SPOCD1: variants seen among roughly 807,000 people sequenced by gnomAD.
SPOCD1 encodes the protein SPOC domain containing 1.
Under a neutral mutation model 92.2 loss-of-function variants are expected in SPOCD1, and 64 were observed. The observed-to-expected ratio is 0.69, with a 90% CI of 0.57 to 0.86. The LOEUF (loss-of-function observed/expected upper bound fraction) is 0.86. SPOCD1 is among the 40% of genes least tolerant of loss of function. The pLI is 0.00. For synonymous variants in SPOCD1, 578 were observed against 619.3 expected (o/e 0.93, Z 0.99); for missense variants, 1,360 against 1,543.1 (o/e 0.88, Z 1.99).
rs934141300 is a variant in SPOCD1, at chr1:31,799,402, G to A, written c.1867C>T (p.Arg623Cys). 7.5e-6 allele frequency: 12 copies of A among 1,607,726 alleles called. No homozygotes were observed. The highest frequency in any genetic ancestry group is 1.7e-5 in the Admixed American group (1 of 59,074). ...VRSMQEVLWT[R>C]LRELPDPVLS... Reference sequence around the variant, plus strand: ...GGGGAGTGGGGAGCAAGGCCTCACCGAGTCCATAGTACCTCCTGCATGGAA... The same window carrying A: ...GGGGAGTGGGGAGCAAGGCCTCACCAAGTCCATAGTACCTCCTGCATGGAA... Residue 623 changes from arginine to cysteine, a missense_variant and splice_region_variant, in exon 7 of 16, where the codon CGC becomes TGC. By Grantham distance (180) the Arg-to-Cys change is radical. Around this residue, in one of 3 missense-constraint regions of SPOCD1, gnomAD observed 606 missense variants for 601.5 expected, o/e 1.01. Transcript: ENST00000360482.
Position 31,792,574 on chromosome 1 carries a change from G to T in SPOCD1, c.2775+104C>A, listed in dbSNP as rs1647678510. 5 of 1,175,300 alleles carry T rather than the reference G, an allele frequency of 4.3e-6. No individual in the cohort carries two copies. In the East Asian group the frequency reaches 1.0e-4, roughly 24 times the overall value. 72.8% of individuals were successfully genotyped at this position (1,175,300 alleles called of 1,614,324 possible). A position where few individuals can be genotyped will look rare whatever the true frequency, so the allele number is the denominator to read the frequency against. ...CACAGTGAGTCTGCAGTCACTCTGG[G>T]AACTAGACCCAGATATCCAAGCCAG... is the stretch of plus-strand genomic sequence containing the variant. On this transcript the variant is annotated intron_variant, in intron 14 of 15. Transcript: ENST00000360482.
chr1:31,813,009 GATT>G (rs1172948406), intron 2 of SPOCD1, among the ~76,000 whole-genome samples: 1 of 152,200 alleles, frequency 6.6e-6, no homozygotes, highest in Non-Finnish European at 1.5e-5. Context: ...TGTTAGCTAT[GATT>G]ATTAATAAAA....
intron 2 of SPOCD1, among the ~76,000 whole-genome samples, chr1:31,812,956 C>T (rs1242115807): frequency 7.9e-5 from 12 of 152,210 alleles, no homozygotes; most frequent in Admixed American, 7.2e-4. Flanking sequence ...GAGAAATATA[C>T]ACCAAAAACA....
intron 2 of SPOCD1, 51 bp from the exon 3 acceptor site, chr1:31,801,756 C>G (rs752255240): frequency 6.9e-7 from 1 of 1,448,160 alleles, no homozygotes; most frequent in South Asian, 1.1e-5. Flanking sequence ...CCCAGCCACC[C>G]CATGGCAGGG....
At chr1:31,799,146 C>G (rs1317687547) in intron 7 of SPOCD1, among the ~76,000 whole-genome samples, 1 of 152,186 alleles carries the variant, frequency 6.6e-6, no homozygotes, top group East Asian at 1.9e-4. Context: ...CTGCGGGTGA[C>G]ATTGATGTGG....
chr1:31,799,718 A>T lies in SPOCD1; in HGVS notation c.1783+91T>A. The T allele has an allele frequency of 8.1e-6, 12 of 1,476,196 alleles. No homozygotes were observed. The South Asian group carries it at 1.4e-4, about 17-fold the overall frequency. The allele number at this position is 1,476,196 out of a possible 1,614,324, so 91.4% of individuals were successfully genotyped here. A position where few individuals can be genotyped will look rare whatever the true frequency, so the allele number is the denominator to read the frequency against. On this transcript the variant is annotated intron_variant, in intron 6 of 15. Transcript: ENST00000360482. ...TGGGATGTGGGGAGAGAAGAATCAT[A>T]GCAGGGGCTGGGCCCAGGAGCTGGG...
At chr1:31,806,632 G>A (rs112786434) in intron 2 of SPOCD1, among the ~76,000 whole-genome samples, 14 of 150,614 alleles carry the variant, frequency 9.3e-5, no homozygotes, top group South Asian at 4.2e-4. Context: ...TGCAGTCTCC[G>A]CCCCCGAGGT....
chr1:31,813,057 G>C (rs1649305298), intron 2 of SPOCD1, among the ~76,000 whole-genome samples: 1 of 152,160 alleles, frequency 6.6e-6, no homozygotes, highest in African/African-American at 2.4e-5. Flanking sequence ...CAAAGGAAAG[G>C]GAAGTGGTGA....
chr1:31,812,276 G>A (rs1649248289), intron 2 of SPOCD1, among the ~76,000 whole-genome samples: 1 of 152,150 alleles, frequency 6.6e-6, no homozygotes, highest in Non-Finnish European at 1.5e-5. Flanking sequence ...TAGCCTATTG[G>A]CCTCCAGGGC....
intron 11 of SPOCD1, 108 bp downstream of exon 11, chr1:31,794,016 C>T (rs1647811852): frequency 6.7e-7 from 1 of 1,502,894 alleles, no homozygotes; most frequent in African/African-American, 1.4e-5. Context: ...CACGGGCACC[C>T]CTGCTCTGCC....
intron 3 of SPOCD1, among the ~76,000 whole-genome samples, chr1:31,800,892 C>A (rs898431604): frequency 6.6e-6 from 1 of 152,216 alleles, no homozygotes; most frequent in Non-Finnish European, 1.5e-5. Context: ...TCCCCCTTAA[C>A]CCCCAGTCAC....
intron 13 of SPOCD1, 121 bp downstream of exon 13, chr1:31,793,157 A>G (rs1647727219): frequency 2.4e-6 from 3 of 1,257,338 alleles, no homozygotes; most frequent in Non-Finnish European, 3.3e-6. Flanking sequence ...GCACAGGGCC[A>G]GGCACAGAAA....
intron 15 of SPOCD1, among the ~76,000 whole-genome samples, chr1:31,791,850 C>T (rs938611843): frequency 2.8e-4 from 43 of 152,200 alleles, no homozygotes; most frequent in African/African-American, 9.2e-4. Context: ...CTTCACACAA[C>T]GTGTGAACAG....
At position 31,796,809 on chromosome 1, in the gene SPOCD1, CTT is replaced by C. The variant is rs1342119107; in HGVS notation, c.2146-96_2146-95del. 37 of 1,563,616 alleles carry C rather than the reference CTT, an allele frequency of 2.4e-5. No homozygotes were observed. The East Asian group carries it at 8.3e-4, about 35-fold the overall frequency. On this transcript the variant is annotated intron_variant, in intron 9 of 15. Coordinates refer to ENST00000360482, the MANE Select transcript of SPOCD1 (RefSeq NM_144569.7). ...CACTTTCCTCCCTTGAGGCCCCTCT[CTT>C]GTGGTTCCCCTCTCCTCAAAACTTT... is the stretch of plus-strand genomic sequence containing the variant.
chr1:31,792,391 A>G lies in SPOCD1; in HGVS notation c.2786T>C (p.Val929Ala). ...GGCCCCATGTGGGCACAGTCTGACC[A>G]CGCAGACGTCCTGCGGTGGCAGGAG... ...ICPAKAKDVC[V>A]VRLCPHGARD... Residue 929 changes from valine (V) to alanine (A), a missense_variant, in exon 15 of 16, where the codon GTG becomes GCG. Val to Ala is a moderately conservative substitution (Grantham distance 64). Around this residue, in one of 3 missense-constraint regions of SPOCD1, gnomAD observed 614 missense variants for 757.8 expected, o/e 0.81. Coordinates refer to ENST00000360482, the MANE Select transcript of SPOCD1 (RefSeq NM_144569.7). 1 of 1,613,516 alleles carries G rather than the reference A, an allele frequency of 6.2e-7. No individual in the cohort carries two copies. The highest frequency in any genetic ancestry group is 8.5e-7 in the Non-Finnish European group (1 of 1,179,956).
Position 31,798,421 on chromosome 1 carries a change from C to T in SPOCD1, c.2028+21G>A, listed in dbSNP as rs773096538. 1 of 1,596,930 alleles carries T rather than the reference C, an allele frequency of 6.3e-7. No individual in the cohort carries two copies. Among genetic ancestry groups the T allele is most frequent in the East Asian group, 2.2e-5 (1 of 44,758 alleles). On this transcript the variant is annotated intron_variant, in intron 8 of 15. Coordinates refer to ENST00000360482, the MANE Select transcript of SPOCD1 (RefSeq NM_144569.7). This position sits in a 1 kb window ranked among gnomAD's most constrained non-coding sequence, Gnocchi z 4.1. ...CTGAGATTCAGAGAGGGGACGCAGC[C>T]CAGCCCAAAGCCCTGCTCACCAGGT...
intron 9 of SPOCD1, 100 bp from the exon 10 acceptor site, chr1:31,796,815 G>T: frequency 6.5e-7 from 1 of 1,545,736 alleles, no homozygotes. Context: ...CTCTCTTGTG[G>T]TTCCCCTCTC....
Position 31,792,756 on chromosome 1 carries a change from G to T in SPOCD1, c.2697C>A (p.Thr899=), listed in dbSNP as rs767693934. 4 of 1,604,474 alleles carry T rather than the reference G, an allele frequency of 2.5e-6. No homozygotes were observed. Among genetic ancestry groups the T allele is most frequent in the Middle Eastern group, 1.7e-4 (1 of 5,740 alleles). Residue 899 remains threonine (T), a synonymous_variant, in exon 14 of 16, where the codon ACC becomes ACA. Transcript: ENST00000360482. The part of the protein sequence containing the change: ...HSCRLVQALP[T]VIRSAGCIPS... ...GGATGCAGCCTGCCGAGCGGATCAC[G>T]GTGGGCAGAGCCTAGGGGCAGGAAG... is the stretch of plus-strand genomic sequence containing the variant.
At chr1:31,805,381 C>T (rs895609725) in intron 2 of SPOCD1, among the ~76,000 whole-genome samples, 27 of 152,114 alleles carry the variant, frequency 1.8e-4, no homozygotes, top group Non-Finnish European at 3.7e-4. Context: ...AAAAAATAAT[C>T]CAAAAGGAGG....
Sources: gnomAD v4.1 joint callset for allele counts (sites outside exome capture counted in the v4.1 genomes callset) on GRCh38, gnomAD v4.1.1 for gene constraint, gnomAD v4.1.1 regional missense constraint, Gnocchi (gnomAD v3.1) non-coding constraint, MANE v1.5 for transcripts, NCBI Gene and HGNC (gene_info 2026-07-23, HGNC 2026-07-21) for gene names.